SPATA6: variants seen among roughly 807,000 people sequenced by gnomAD.
The protein encoded by SPATA6 is spermatogenesis associated 6.
SPATA6 carries 56 observed loss-of-function variants against 65.3 expected under a neutral mutation model. That is an observed-to-expected ratio of 0.86 (90% confidence interval 0.69 to 1.07). The LOEUF is 1.07. Ranked by LOEUF, SPATA6 falls within the 50% of genes least tolerant of loss-of-function variation. The pLI is 0.00. For missense variants in SPATA6, 590 were observed against 594.8 expected (o/e 0.99, Z 0.08); for synonymous variants, 199 against 213.2 (o/e 0.93, Z 0.58).
intron 9 of SPATA6, among the ~76,000 whole-genome samples, chr1:48,376,273 T>G (rs1400806937): frequency 6.6e-6 from 1 of 152,154 alleles, no homozygotes; most frequent in Admixed American, 6.5e-5. Flanking sequence ...AGCACTGGTC[T>G]GTTGATTTTT....
At chr1:48,374,882 T>C (rs1647706018) in intron 9 of SPATA6, among the ~76,000 whole-genome samples, 1 of 152,160 alleles carries the variant, frequency 6.6e-6, no homozygotes, top group South Asian at 2.1e-4. Context: ...ATATCAGCCA[T>C]TAACCTGCCT....
chr1:48,398,687 C>T (rs1347834116), intron 7 of SPATA6, among the ~76,000 whole-genome samples: 1 of 151,702 alleles, frequency 6.6e-6, no homozygotes, highest in Non-Finnish European at 1.5e-5. Flanking sequence ...TATGAAGATT[C>T]TGAGGGAGTC....
chr1:48,357,631 T>C (rs1557605756), intron 10 of SPATA6, among the ~76,000 whole-genome samples: 1 of 152,154 alleles, frequency 6.6e-6, no homozygotes, highest in Non-Finnish European at 1.5e-5. Context: ...TGTTTATTGA[T>C]TTCAATAGAT....
chr1:48,398,741 G>A (rs1286202895), intron 7 of SPATA6, among the ~76,000 whole-genome samples: 1 of 151,668 alleles, frequency 6.6e-6, no homozygotes, highest in Non-Finnish European at 1.5e-5. Context: ...TTTAGCCAAA[G>A]TCTACTTGAT....
chr1:48,388,276 G>A (rs1002030746), intron 8 of SPATA6, among the ~76,000 whole-genome samples: 4 of 151,978 alleles, frequency 2.6e-5, no homozygotes, highest in Admixed American at 2.6e-4. Context: ...ACCACTGCAT[G>A]CACCCAGAAA....
At chr1:48,312,194 G>A (rs571897046) in intron 11 of SPATA6, among the ~76,000 whole-genome samples, 3 of 152,204 alleles carry the variant, frequency 2.0e-5, no homozygotes, top group African/African-American at 7.2e-5. Flanking sequence ...AAATGTCCCT[G>A]TCTGACATCT....
intron 8 of SPATA6, among the ~76,000 whole-genome samples, chr1:48,388,851 G>C (rs1649763757): frequency 6.6e-6 from 1 of 152,016 alleles, no homozygotes; most frequent in Admixed American, 6.6e-5. Flanking sequence ...TGGGATTAGA[G>C]GCATGTGCCA....
At chr1:48,378,645 G>C (rs1648202228) in intron 9 of SPATA6, among the ~76,000 whole-genome samples, 1 of 152,198 alleles carries the variant, frequency 6.6e-6, no homozygotes, top group South Asian at 2.1e-4. Flanking sequence ...CAGATCTCAT[G>C]AGACTTATTC....
intron 11 of SPATA6, among the ~76,000 whole-genome samples, chr1:48,307,447 C>G (rs1357152372): frequency 6.7e-6 from 1 of 148,632 alleles, no homozygotes; most frequent in Non-Finnish European, 1.5e-5. Flanking sequence ...ATACAAGGAC[C>G]CATCTTTTGT....
chr1:48,271,207 C>A, the SPATA6 span, among the ~76,000 whole-genome samples: 1 of 152,056 alleles, frequency 6.6e-6, no homozygotes, highest in Non-Finnish European at 1.5e-5. Context: ...TACTTATCAC[C>A]CCTTGCAGTA....
intron 11 of SPATA6, among the ~76,000 whole-genome samples, chr1:48,316,155 C>G (rs1645410817): frequency 6.6e-6 from 1 of 152,152 alleles, no homozygotes; most frequent in Admixed American, 6.5e-5. Context: ...CTACCAGTGA[C>G]TTTCTTCATA....
chr1:48,436,100 G>A (rs1470209397), intron 3 of SPATA6: 1 of 1,609,892 alleles, frequency 6.2e-7, no homozygotes, highest in Non-Finnish European at 8.5e-7. Context: ...CCATCCACTA[G>A]AGCCAGTGAA....
At chr1:48,320,274 CAAG>C (rs1645564092) in intron 11 of SPATA6, among the ~76,000 whole-genome samples, 1 of 152,048 alleles carries the variant, frequency 6.6e-6, no homozygotes, top group Non-Finnish European at 1.5e-5. Context: ...TATAGCAAAC[CAAG>C]AAGATTTAAC....
chr1:48,452,509 G>A (rs539327112), intron 2 of SPATA6, among the ~76,000 whole-genome samples: 8 of 151,462 alleles, frequency 5.3e-5, no homozygotes, highest in Admixed American at 3.3e-4. Flanking sequence ...TCAGCCTCCC[G>A]AGTAAGTGGG....
chr1:48,301,635 GA>G (rs1644941486), intron 12 of SPATA6, among the ~76,000 whole-genome samples: 1 of 151,748 alleles, frequency 6.6e-6, no homozygotes, highest in South Asian at 2.1e-4. Flanking sequence ...ATTAAACTGT[GA>G]CGTTATAGTA....
chr1:48,443,448 C>A (rs1178306958), intron 3 of SPATA6, among the ~76,000 whole-genome samples: 1 of 152,192 alleles, frequency 6.6e-6, no homozygotes, highest in Non-Finnish European at 1.5e-5. Context: ...GGTTTATCTA[C>A]TTCATTATCC....
intron 9 of SPATA6, among the ~76,000 whole-genome samples, chr1:48,368,583 A>G (rs933437931): frequency 1.3e-5 from 2 of 152,182 alleles, no homozygotes; most frequent in Admixed American, 6.6e-5. Flanking sequence ...CCAGTTGATC[A>G]CATCGGCTCC....
At chr1:48,398,621 G>A (rs1469883741) in intron 7 of SPATA6, among the ~76,000 whole-genome samples, 3 of 151,792 alleles carry the variant, frequency 2.0e-5, no homozygotes, top group Admixed American at 1.3e-4. Flanking sequence ...TAGTCTGAAA[G>A]CTTTCAGTAA....
In SPATA6 at chr1:48,331,848, G is replaced by A. The variant is rs375466965; in HGVS notation, c.1194+23822C>T. Reference sequence around the variant, plus strand: ...ATAAAGGGGAGGTCACTCACTAGGGGAACCCTATCAGACTGACAGAGGACC... The same window carrying A: ...ATAAAGGGGAGGTCACTCACTAGGGAAACCCTATCAGACTGACAGAGGACC... On this transcript the variant is annotated intron_variant, in intron 11 of 12. Transcript: ENST00000371847. Among the ~76,000 whole-genome samples the A allele has an allele frequency of 2.2e-3, 329 of 152,286 alleles. 3 individuals are homozygous for A. The highest frequency in any genetic ancestry group is 7.6e-3 in the African/African-American group (316 of 41,566).
Sources: gnomAD v4.1 joint callset for allele counts (sites outside exome capture counted in the v4.1 genomes callset) on GRCh38, gnomAD v4.1.1 for gene constraint, MANE v1.5 for transcripts, NCBI Gene and HGNC (gene_info 2026-07-23, HGNC 2026-07-21) for gene names.